The following L3MBTL4 variants were observed in gnomAD, a reference collection of about 807,000 sequenced individuals.
L3MBTL4 encodes L3MBTL histone methyl-lysine binding protein 4.
In L3MBTL4, 70 loss-of-function variants were observed where a neutral mutation model predicts 84.5. That is an observed-to-expected ratio of 0.83 (90% CI 0.68 to 1.01). L3MBTL4 has a LOEUF of 1.01. Among genes scored for constraint, L3MBTL4 ranks in the 50% least tolerant of loss-of-function variants. The probability of loss-of-function intolerance (pLI) is 0.00; values close to 1 mark genes in which losing one functional copy is unlikely to be tolerated. For missense variants in L3MBTL4, 715 were observed against 754.8 expected, an observed-to-expected ratio of 0.95 and a Z score of 0.62; for synonymous variants, 274 against 259.8, an observed-to-expected ratio of 1.05 and a Z score of -0.52.
chr18:6,097,847 C>G (rs547699517), intron 14 of L3MBTL4, among the ~76,000 whole-genome samples: 2 of 152,216 alleles, frequency 1.3e-5, no homozygotes, highest in African/African-American at 4.8e-5. Flanking sequence ...TTTTGCCATC[C>G]CCTTCCCATG....
intron 12 of L3MBTL4, among the ~76,000 whole-genome samples, chr18:6,190,544 T>C (rs962396665): frequency 5.3e-5 from 8 of 152,192 alleles, no homozygotes; most frequent in Non-Finnish European, 8.8e-5. Flanking sequence ...TTCTAAATAA[T>C]TATTCATGTA....
rs146912172 is a variant in L3MBTL4 at position 6,193,724 on chromosome 18, G to A, written c.981+19425C>T. 1.7e-3 allele frequency among the ~76,000 whole-genome samples: 266 copies of A among 152,314 alleles called. 1 individual carries two copies. Among genetic ancestry groups the A allele is most frequent in the African/African-American group, 6.0e-3 (249 of 41,578 alleles). On this transcript the variant is annotated intron_variant, in intron 12 of 18. Coordinates refer to ENST00000317931, the MANE Select transcript of L3MBTL4 (RefSeq NM_001330559.2). The stretch of plus-strand genomic sequence containing the variant: ...GGCTGTGAGTTTGATGGGTCAGTGG[G>A]GAGTGAGTGCCTGCATCTTCCCTGT...
intron 1 of L3MBTL4, among the ~76,000 whole-genome samples, chr18:6,317,522 A>G (rs1033599234): frequency 6.6e-6 from 1 of 152,172 alleles, no homozygotes; most frequent in African/African-American, 2.4e-5. Context: ...GCTCGAAGAT[A>G]AGGCTTTTGT....
intron 13 of L3MBTL4, 96 bp from the exon 14 acceptor site, chr18:6,138,392 T>A (rs1423915409): frequency 8.1e-6 from 6 of 744,450 alleles, no homozygotes; most frequent in Non-Finnish European, 1.3e-5. Flanking sequence ...ACTTTACAAA[T>A]TAAAAACAAA....
At chr18:6,141,254 C>A (rs1273679617) in intron 13 of L3MBTL4, among the ~76,000 whole-genome samples, 4 of 152,074 alleles carry the variant, frequency 2.6e-5, no homozygotes, top group Non-Finnish European at 5.9e-5. Flanking sequence ...TATGAGGATT[C>A]TTTTGTAATC....
chr18:6,310,826 A>G (rs2050792493), intron 3 of L3MBTL4, among the ~76,000 whole-genome samples: 2 of 152,232 alleles, frequency 1.3e-5, no homozygotes, highest in African/African-American at 4.8e-5. Flanking sequence ...CCTTCTAAGT[A>G]TCTAGATGTT....
intron 12 of L3MBTL4, among the ~76,000 whole-genome samples, chr18:6,184,946 G>T (rs1231802688): frequency 6.6e-6 from 1 of 152,160 alleles, no homozygotes; most frequent in Non-Finnish European, 1.5e-5. Context: ...ATTATTTTTT[G>T]CACTTTGTGC....
At chr18:6,126,736 A>T (rs533067043) in intron 14 of L3MBTL4, among the ~76,000 whole-genome samples, 2 of 152,334 alleles carry the variant, frequency 1.3e-5, no homozygotes, top group South Asian at 4.1e-4. Flanking sequence ...GGTAGAACTG[A>T]TTTAAAGATC....
At chr18:6,162,930 G>A (rs183343320) in intron 13 of L3MBTL4, among the ~76,000 whole-genome samples, 321 of 152,302 alleles carry the variant, frequency 2.1e-3, no homozygotes, top group African/African-American at 7.4e-3. Flanking sequence ...CGATAGGTGA[G>A]TAATGCATTG....
intron 7 of L3MBTL4, among the ~76,000 whole-genome samples, 166 bp downstream of exon 7, chr18:6,243,128 C>T (rs558846786): frequency 1.1e-4 from 16 of 152,300 alleles, no homozygotes; most frequent in African/African-American, 3.1e-4. Context: ...ACATTTACTT[C>T]TAAAAATGGT....
At chr18:6,325,613 T>C (rs1020178653) in intron 1 of L3MBTL4, among the ~76,000 whole-genome samples, 2 of 152,222 alleles carry the variant, frequency 1.3e-5, no homozygotes, top group Non-Finnish European at 2.9e-5. Context: ...TAAAGATTTT[T>C]TGAAGAAGCA....
At position 5,995,020 on chromosome 18, in the gene L3MBTL4, C is replaced by T. The variant is rs1567961780; in HGVS notation, c.1445-25458G>A. Among the ~76,000 whole-genome samples the T allele has an allele frequency of 2.6e-5, 4 of 152,210 alleles. No homozygotes were observed. In the South Asian group the frequency reaches 8.3e-4, roughly 31 times the overall value. ...ACTTTATAATTACTAGAAGAGGATGCATACAGAAATGTGACTTTTCCAAAG... is the reference window on the plus strand; with the variant it reads ...ACTTTATAATTACTAGAAGAGGATGTATACAGAAATGTGACTTTTCCAAAG... On this transcript the variant is annotated intron_variant, in intron 16 of 18. Transcript: ENST00000317931.
At chr18:6,290,772 C>T (rs2049827935) in intron 4 of L3MBTL4, among the ~76,000 whole-genome samples, 1 of 152,086 alleles carries the variant, frequency 6.6e-6, no homozygotes, top group Admixed American at 6.6e-5. Flanking sequence ...AGGTGATCCA[C>T]CCGTCTCGGC....
rs1212220653 is a variant in L3MBTL4, at chr18:6,183,908, TA to T, written c.982-11967del. 5.9e-5 allele frequency among the ~76,000 whole-genome samples: 9 copies of T among 152,194 alleles called. No individual in the cohort carries two copies. In the East Asian group the frequency reaches 1.7e-3, roughly 29 times the overall value. On this transcript the variant is annotated intron_variant, in intron 12 of 18. Coordinates refer to ENST00000317931, the MANE Select transcript of L3MBTL4 (RefSeq NM_001330559.2). ...TATTATACAATTCTCATTATAACAT[TA>T]AAAAAATACACGTTAGTCTAACGTT...
chr18:6,237,853 T>C, intron 10 of L3MBTL4, 111 bp downstream of exon 10: 1 of 812,828 alleles, frequency 1.2e-6, no homozygotes, highest in Non-Finnish European at 2.1e-6. Flanking sequence ...ATAGTGTTTT[T>C]ATCATATTAA....
chr18:6,373,778 TAA>T (rs1196353008), intron 1 of L3MBTL4, among the ~76,000 whole-genome samples: 3 of 140,312 alleles, frequency 2.1e-5, no homozygotes, highest in African/African-American at 5.2e-5. Flanking sequence ...AGTGAATTGA[TAA>T]AAAAAAAAAA....
chr18:6,257,531 G>A (rs2146305496), intron 5 of L3MBTL4, among the ~76,000 whole-genome samples: 1 of 152,236 alleles, frequency 6.6e-6, no homozygotes, highest in Middle Eastern at 3.4e-3. Flanking sequence ...ATGAGTTAGG[G>A]AGGAAAATGC....
At chr18:6,038,528 A>G (rs1398452488) in intron 16 of L3MBTL4, among the ~76,000 whole-genome samples, 1 of 152,140 alleles carries the variant, frequency 6.6e-6, no homozygotes, top group Non-Finnish European at 1.5e-5. Flanking sequence ...TGCTGGGATT[A>G]CAGGCATAAG....
chr18:6,179,584 T>C (rs1176656982), intron 12 of L3MBTL4, among the ~76,000 whole-genome samples: 1 of 152,232 alleles, frequency 6.6e-6, no homozygotes, highest in Non-Finnish European at 1.5e-5. Flanking sequence ...AATACTATCA[T>C]AATCCAAGAG....
Sources: allele counts gnomAD v4.1 joint callset (sites outside exome capture counted in the v4.1 genomes callset), GRCh38; gene constraint gnomAD v4.1.1; transcripts MANE v1.5; gene names NCBI Gene and HGNC (gene_info 2026-07-23, HGNC 2026-07-21).